The following DTL variants were observed in gnomAD, a reference collection of about 807,000 sequenced individuals.
The protein encoded by DTL is denticleless E3 ubiquitin protein ligase adapter, also known as denticleless protein homolog.
DTL carries 46 observed loss-of-function variants against 87.0 expected under a neutral mutation model. The observed-to-expected ratio is 0.53, with a 90% CI of 0.42 to 0.68. The LOEUF (loss-of-function observed/expected upper bound fraction) is 0.68. Ranked by LOEUF, DTL falls within the 30% of genes least tolerant of loss-of-function variation. The pLI is 0.00. For synonymous variants in DTL, 308 were observed against 311.2 expected, an observed-to-expected ratio of 0.99 and a Z score of 0.11; for missense variants, 737 against 869.4, an observed-to-expected ratio of 0.85 and a Z score of 1.91.
intron 11 of DTL, among the ~76,000 whole-genome samples, 170 bp downstream of exon 11, chr1:212,072,383 A>G (rs1048622600): frequency 1.3e-5 from 2 of 152,214 alleles, no homozygotes; most frequent in Admixed American, 6.5e-5. Flanking sequence ...TTACTCTACT[A>G]CAGAATGTAT....
chr1:212,074,243 A>C (rs1002120340), intron 11 of DTL, among the ~76,000 whole-genome samples: 4 of 147,742 alleles, frequency 2.7e-5, no homozygotes, highest in Non-Finnish European at 6.1e-5. Flanking sequence ...ATATATATAC[A>C]TAATTATGTG....
intron 1 of DTL, among the ~76,000 whole-genome samples, chr1:212,041,283 A>C (rs572709910): frequency 1.3e-5 from 2 of 152,188 alleles, no homozygotes; most frequent in East Asian, 3.9e-4. Flanking sequence ...AGAGTTAAAG[A>C]GTCATTGTTT....
Position 212,047,232 on chromosome 1 carries a change from T to C in DTL, c.339+20T>C, listed in dbSNP as rs186028431. ...AAACTTGTAAGTGACTTTATTTCATTAGGATCTGGGTAAATACTGATAAGG... is the reference window on the plus strand; with the variant it reads ...AAACTTGTAAGTGACTTTATTTCATCAGGATCTGGGTAAATACTGATAAGG... On this transcript the variant is annotated intron_variant, in intron 4 of 14. Transcript: ENST00000366991. 3.1e-3 allele frequency: 5,080 copies of C among 1,614,148 alleles called. 17 individuals are homozygous for C. The highest frequency in any genetic ancestry group is 4.0e-3 in the Non-Finnish European group (4,662 of 1,179,986).
intron 10 of DTL, 144 bp downstream of exon 10, chr1:212,068,847 T>C: frequency 1.8e-6 from 1 of 557,596 alleles, no homozygotes; most frequent in Non-Finnish European, 3.1e-6. Context: ...CCAGTGATAA[T>C]TTCATAAGTG....
intron 13 of DTL, among the ~76,000 whole-genome samples, chr1:212,085,670 C>G (rs764680691): frequency 5.3e-5 from 8 of 152,016 alleles, no homozygotes; most frequent in Non-Finnish European, 1.2e-4. Flanking sequence ...CTGTTTTTTC[C>G]TTTGTCACTT....
At chr1:212,054,883 G>A (rs1021230929) in intron 5 of DTL, among the ~76,000 whole-genome samples, 2 of 151,716 alleles carry the variant, frequency 1.3e-5, no homozygotes, top group East Asian at 1.9e-4. Context: ...TTTAGGCGGA[G>A]TAAATTCCAA....
intron 6 of DTL, among the ~76,000 whole-genome samples, chr1:212,064,067 T>C (rs1023180690): frequency 2.0e-5 from 3 of 152,002 alleles, no homozygotes; most frequent in Non-Finnish European, 4.4e-5. Context: ...TAGTTATGTA[T>C]TTTTAGTACA....
Position 212,080,625 on chromosome 1 carries a change from G to T in DTL, c.1136G>T (p.Cys379Phe). ...CPSDFTKIAT[C>F]SDDNTLKIWR... ...GGTACTCCCTCTTAGATTGCTACCT[G>T]TTCTGATGACAATACACTAAAAATC... The change falls in exon 13 of 15, where the codon TGT (cysteine) becomes TTT (phenylalanine). Residue 379 changes from cysteine to phenylalanine, a missense_variant. Transcript: ENST00000366991. 6.2e-7 allele frequency: 1 copy of T among 1,613,012 alleles called. No individual in the cohort carries two copies. Among genetic ancestry groups the T allele is most frequent in the Non-Finnish European group, 8.5e-7 (1 of 1,179,348 alleles).
chr1:212,098,752 C>T (rs79022399), intron 13 of DTL, among the ~76,000 whole-genome samples: 1,649 of 152,260 alleles, frequency 0.011, 30 homozygotes, highest in African/African-American at 0.037. Context: ...GCTTCCCCAA[C>T]AGCCAACAGA....
intron 1 of DTL, among the ~76,000 whole-genome samples, chr1:212,036,949 A>G (rs1318188062): frequency 6.6e-6 from 1 of 152,210 alleles, no homozygotes; most frequent in Non-Finnish European, 1.5e-5. Context: ...TAGTCCCTCA[A>G]CTTCCTGCTA....
chr1:212,076,644 C>T lies in DTL; in HGVS notation c.1036-1529C>T, dbSNP rs1012064336. ...ATGCTCAGTAGGACTTGAGGATTTCCTCTCCCTTCTAATTTGCTGCTACCA... is the reference window on the plus strand; with the variant it reads ...ATGCTCAGTAGGACTTGAGGATTTCTTCTCCCTTCTAATTTGCTGCTACCA... On this transcript the variant is annotated intron_variant, in intron 11 of 14. Transcript: ENST00000366991. Among the ~76,000 whole-genome samples the T allele has an allele frequency of 1.2e-4, 18 of 152,246 alleles. 1 individual carries two copies. The East Asian group carries it at 1.9e-3, about 16-fold the overall frequency.
Position 212,068,293 on chromosome 1 carries a change from T to C in DTL, c.783T>C (p.Ser261=), listed in dbSNP as rs1654568235. The part of the protein sequence containing the change: ...AYRQEPIASK[S]FLYPGSSTRK... Reference sequence around the variant, plus strand: ...GACAAGAACCCATAGCATCCAAGTCTTTCCTGTACCCAGGTAGCAGCACTC... The same window carrying C: ...GACAAGAACCCATAGCATCCAAGTCCTTCCTGTACCCAGGTAGCAGCACTC... The change falls in exon 9 of 15, where the codon TCT becomes TCC. Residue 261 remains serine (S), a synonymous_variant. Coordinates refer to ENST00000366991, the MANE Select transcript of DTL (RefSeq NM_016448.4). 6.2e-7 allele frequency: 1 copy of C among 1,612,638 alleles called. No homozygotes were observed. Among genetic ancestry groups the C allele is most frequent in the Non-Finnish European group, 8.5e-7 (1 of 1,179,504 alleles).
Position 212,102,841 on chromosome 1 carries a change from G to A in DTL, c.2095-1G>A, listed in dbSNP as rs1655663364. 1 of 1,602,078 alleles carries A rather than the reference G, an allele frequency of 6.2e-7. No individual in the cohort carries two copies. The highest frequency in any genetic ancestry group is 1.1e-5 in the South Asian group (1 of 90,280). On this transcript the variant is annotated splice_acceptor_variant, in intron 14 of 14. Transcript: ENST00000366991. LOFTEE classifies it high-confidence loss of function. ...CTGAAATCTAAACTTTCTTCTTCTAGGTCACCATCACGCCCAGCTCCATGA... is the reference window on the plus strand; with the variant it reads ...CTGAAATCTAAACTTTCTTCTTCTAAGTCACCATCACGCCCAGCTCCATGA...
intron 13 of DTL, among the ~76,000 whole-genome samples, chr1:212,089,883 G>C (rs983717138): frequency 6.6e-6 from 1 of 152,134 alleles, no homozygotes; most frequent in African/African-American, 2.4e-5. Context: ...ATCCTGCCTT[G>C]TTAATCGGCA....
At chr1:212,084,168 T>C (rs1655062079) in intron 13 of DTL, among the ~76,000 whole-genome samples, 1 of 152,022 alleles carries the variant, frequency 6.6e-6, no homozygotes, top group African/African-American at 2.4e-5. Flanking sequence ...CCTTATTTGT[T>C]TTTGCTCTTT....
chr1:212,047,012 T>C, intron 3 of DTL, 139 bp from the exon 4 acceptor site: 1 of 708,454 alleles, frequency 1.4e-6, no homozygotes, highest in Non-Finnish European at 2.4e-6. Flanking sequence ...TATCTCATTG[T>C]GGTTTTGATT....
intron 3 of DTL, 92 bp from the exon 4 acceptor site, chr1:212,047,058 CT>C: frequency 9.0e-7 from 1 of 1,108,892 alleles, no homozygotes; most frequent in Non-Finnish European, 1.4e-6. Context: ...GATCTTTTTA[CT>C]ACTACAGCTT....
Position 212,044,763 on chromosome 1 carries a change from G to C in DTL, c.277+5G>C, listed in dbSNP as rs2102528142. The C allele has an allele frequency of 1.3e-6, 2 of 1,572,026 alleles. No individual in the cohort carries two copies. The highest frequency in any genetic ancestry group is 4.5e-5 in the East Asian group (2 of 44,696). On this transcript the variant is annotated splice_donor_5th_base_variant and intron_variant, in intron 3 of 14. Transcript: ENST00000366991. ...TCAGAAAGAAGTGCTTCAAAGGTAA[G>C]TCTAGGTCTACAATTTTTGTTTTAA...
At chr1:212,041,005 ACT>A (rs1242772760) in intron 1 of DTL, among the ~76,000 whole-genome samples, 3 of 152,132 alleles carry the variant, frequency 2.0e-5, no homozygotes, top group East Asian at 1.9e-4. Context: ...GTCTCTGAAA[ACT>A]CTCATGTTCT....
Sources: gnomAD v4.1 joint callset for allele counts (sites outside exome capture counted in the v4.1 genomes callset) on GRCh38, gnomAD v4.1.1 for gene constraint, MANE v1.5 for transcripts, NCBI Gene and HGNC (gene_info 2026-07-23, HGNC 2026-07-21) for gene names.